The following PCGF5 variants were observed in gnomAD, a reference collection of about 807,000 sequenced individuals.
PCGF5 encodes polycomb group ring finger 5.
Under a neutral mutation model 44.3 loss-of-function variants are expected in PCGF5, and 9 were observed. That is an observed-to-expected ratio of 0.20 (90% confidence interval 0.12 to 0.35). PCGF5 has a LOEUF of 0.35. PCGF5 is among the 10% of genes least tolerant of loss of function. The pLI is 1.00. For synonymous variants in PCGF5, 95 were observed against 102.5 expected, an observed-to-expected ratio of 0.93 and a Z score of 0.44; for missense variants, 146 against 305.3, an observed-to-expected ratio of 0.48 and a Z score of 3.89.
intron 9 of PCGF5, among the ~76,000 whole-genome samples, chr10:91,275,452 T>G (rs564031987): frequency 1.5e-4 from 23 of 151,724 alleles, no homozygotes; most frequent in Middle Eastern, 3.4e-3. Context: ...TTTATTTTTT[T>G]TTTTTTTGAG....
upstream of PCGF5, among the ~76,000 whole-genome samples, chr10:91,160,973 T>C (rs1435423838): frequency 6.6e-6 from 1 of 152,210 alleles, no homozygotes; most frequent in African/African-American, 2.4e-5. Flanking sequence ...TTCTGAGCCC[T>C]GCCCTCTGTC....
intron 1 of PCGF5, among the ~76,000 whole-genome samples, chr10:91,164,749 C>T (rs867997692): frequency 2.0e-5 from 3 of 152,182 alleles, no homozygotes; most frequent in Non-Finnish European, 2.9e-5. Flanking sequence ...TTAAGACTCA[C>T]CTCAAACGGC....
At position 91,282,633 on chromosome 10, in the gene PCGF5, T is replaced by C. The variant is rs1589419157; in HGVS notation, c.*4317T>C. Reference sequence around the variant, plus strand: ...ATATCCCCCTTGTACCATTTCTCCTTGGGAACTCATGCTATGGGCTACCTT... The same window carrying C: ...ATATCCCCCTTGTACCATTTCTCCTCGGGAACTCATGCTATGGGCTACCTT... On this transcript the variant is annotated 3_prime_UTR_variant, in exon 10 of 10. Coordinates refer to ENST00000336126, the MANE Select transcript of PCGF5 (RefSeq NM_032373.5). 6.6e-6 allele frequency: 1 copy of C among 152,630 alleles called. No individual in the cohort carries two copies. The highest frequency in any genetic ancestry group is 2.4e-5 in the African/African-American group (1 of 41,460). The allele number at this position is 152,630 out of a possible 1,614,324, so 9.5% of individuals were successfully genotyped here.
chr10:91,231,964 C>T (rs1339434771), intron 2 of PCGF5, among the ~76,000 whole-genome samples: 1 of 152,004 alleles, frequency 6.6e-6, no homozygotes, highest in Non-Finnish European at 1.5e-5. Flanking sequence ...TGGAGATGTC[C>T]ATTTGGGAGT....
At chr10:91,192,937 A>G (rs986775823) in intron 1 of PCGF5, among the ~76,000 whole-genome samples, 3 of 152,216 alleles carry the variant, frequency 2.0e-5, no homozygotes, top group African/African-American at 4.8e-5. Flanking sequence ...AGACCTAATT[A>G]TGGTTACAAA....
At chr10:91,180,371 T>C (rs533009984) in intron 1 of PCGF5, among the ~76,000 whole-genome samples, 3 of 152,338 alleles carry the variant, frequency 2.0e-5, no homozygotes, top group African/African-American at 7.2e-5. Flanking sequence ...TTGTCAACTT[T>C]TGCTTTTGTT....
upstream of PCGF5, among the ~76,000 whole-genome samples, chr10:91,217,087 G>A (rs926309347): frequency 3.3e-5 from 5 of 151,938 alleles, no homozygotes; most frequent in Admixed American, 3.3e-4. Context: ...AGGATGGAGT[G>A]CAGTGGCACG....
intron 2 of PCGF5, among the ~76,000 whole-genome samples, chr10:91,230,559 T>C (rs968210368): frequency 6.6e-6 from 1 of 152,146 alleles, no homozygotes; most frequent in Non-Finnish European, 1.5e-5. Context: ...ACCACTGACA[T>C]TCAATTAATA....
At chr10:91,169,656 A>G (rs904438279) in intron 1 of PCGF5, among the ~76,000 whole-genome samples, 2 of 152,264 alleles carry the variant, frequency 1.3e-5, no homozygotes, top group African/African-American at 4.8e-5. Context: ...ATGGAGATAT[A>G]GTCCATCTTC....
chr10:91,226,142 C>T (rs1424421882), intron 2 of PCGF5, among the ~76,000 whole-genome samples: 1 of 151,790 alleles, frequency 6.6e-6, no homozygotes, highest in African/African-American at 2.4e-5. Context: ...TATGGAGACT[C>T]ATAAGAAAAT....
chr10:91,208,114 C>T (rs1844379531), intron 1 of PCGF5, among the ~76,000 whole-genome samples: 1 of 152,186 alleles, frequency 6.6e-6, no homozygotes, highest in Admixed American at 6.5e-5. Context: ...CCTGGAGATT[C>T]TTGCCTGAAT....
intron 1 of PCGF5, among the ~76,000 whole-genome samples, chr10:91,164,439 G>A (rs1246739436): frequency 6.6e-6 from 1 of 152,188 alleles, no homozygotes; most frequent in Non-Finnish European, 1.5e-5. Context: ...CTGCAGGGCT[G>A]GGTCCTGTCT....
At chr10:91,195,901 C>A (rs1242556732) in intron 1 of PCGF5, among the ~76,000 whole-genome samples, 1 of 151,344 alleles carries the variant, frequency 6.6e-6, no homozygotes, top group African/African-American at 2.4e-5. Context: ...GAAACCCAAT[C>A]CAAGGTTTGT....
At chr10:91,237,770 C>T (rs1845207112) in intron 2 of PCGF5, among the ~76,000 whole-genome samples, 1 of 151,730 alleles carries the variant, frequency 6.6e-6, no homozygotes. Context: ...CATCAGAAAA[C>T]CTGAATTTAT....
intron 8 of PCGF5, 128 bp from the exon 9 acceptor site, chr10:91,271,510 G>A: frequency 4.7e-6 from 3 of 639,804 alleles, no homozygotes; most frequent in Non-Finnish European, 7.4e-6. Flanking sequence ...CCATTTTTTT[G>A]GAAAGTGTTT....
At chr10:91,226,097 A>G (rs1305194979) in intron 2 of PCGF5, among the ~76,000 whole-genome samples, 1 of 152,094 alleles carries the variant, frequency 6.6e-6, no homozygotes, top group African/African-American at 2.4e-5. Flanking sequence ...ATGATGCTAC[A>G]AAGAATGAGT....
At chr10:91,190,144 G>T (rs1011483439) in intron 1 of PCGF5, among the ~76,000 whole-genome samples, 2 of 152,184 alleles carry the variant, frequency 1.3e-5, no homozygotes, top group African/African-American at 4.8e-5. Flanking sequence ...CCACTTCCTG[G>T]TTTCCAGGTG....
At chr10:91,236,986 G>A (rs531712415) in intron 2 of PCGF5, among the ~76,000 whole-genome samples, 49 of 152,128 alleles carry the variant, frequency 3.2e-4, no homozygotes, top group Non-Finnish European at 6.2e-4. Context: ...TCTATATATC[G>A]TAGATCTATG....
chr10:91,227,910 TTAAG>T, intron 2 of PCGF5: 1 of 982,190 alleles, frequency 1.0e-6, no homozygotes, highest in Non-Finnish European at 1.2e-6. Context: ...CAGATTTGGG[TTAAG>T]TGTCTCAATA....
Sources: gnomAD v4.1 joint callset for allele counts (sites outside exome capture counted in the v4.1 genomes callset) on GRCh38, gnomAD v4.1.1 for gene constraint, MANE v1.5 for transcripts, NCBI Gene and HGNC (gene_info 2026-07-23, HGNC 2026-07-21) for gene names.